Variants in LINC00632 observed in about 807,000 individuals in gnomAD.
LINC00632 encodes ALDOA related specific transcript.
At chrX:140,791,114 T>C (rs147498606) in exon 5 of LINC00632, among the ~76,000 whole-genome samples, 12,738 of 111,177 alleles carry the variant, frequency 0.11, 708 homozygotes, top group Non-Finnish European at 0.17. Context: ...TGTTTAACTA[T>C]TATAATTGCC....
chrX:140,756,223 A>G (rs1931491310), intron 3 of LINC00632, among the ~76,000 whole-genome samples: 1 of 112,068 alleles, frequency 8.9e-6, no homozygotes, highest in Non-Finnish European at 1.9e-5. Context: ...GTTTTTTAGG[A>G]CAGATTTTCT....
chrX:140,785,631 G>T (rs1207119897), exon 5 of LINC00632, among the ~76,000 whole-genome samples: 2 of 112,094 alleles, frequency 1.8e-5, no homozygotes, highest in Non-Finnish European at 3.8e-5. Flanking sequence ...TCCCCAACCA[G>T]CTACTACCAT....
At chrX:140,778,618 G>GAAAA (rs57214136) in exon 5 of LINC00632, among the ~76,000 whole-genome samples, 2 of 40,291 alleles carry the variant, frequency 5.0e-5, no homozygotes, top group Non-Finnish European at 5.6e-5. Flanking sequence ...AACAAACAAA[G>GAAAA]AAAAAAAAAA....
At position 140,729,821 on chromosome X, in the gene LINC00632, C is replaced by T. The variant is rs764246854; in HGVS notation, n.105-4057C>T. Among the ~76,000 whole-genome samples, 11 of 109,081 alleles carry T rather than the reference C, an allele frequency of 1.0e-4. No individual in the cohort carries two copies. In the East Asian group the frequency reaches 1.4e-3, roughly 14 times the overall value. 94.7% of individuals were successfully genotyped at this position (109,081 alleles called of 115,157 possible). ...AAAAGAAAAAATATATAGAAATATA[C>T]GACAATCCACAGCTTTCCCATGTGC... On this transcript the variant is annotated intron_variant and non_coding_transcript_variant, in intron 2 of 4. Transcript: ENST00000648200.
intron 2 of LINC00632, among the ~76,000 whole-genome samples, chrX:140,725,238 TACAC>T (rs758165983): frequency 1.5e-4 from 3 of 20,511 alleles, no homozygotes; most frequent in Admixed American, 6.1e-4. Flanking sequence ...ACACATTCCA[TACAC>T]ACACACACAT....
At chrX:140,788,293 ATTAT>A (rs1405882204) in exon 5 of LINC00632, among the ~76,000 whole-genome samples, 3 of 110,426 alleles carry the variant, frequency 2.7e-5, no homozygotes, top group East Asian at 2.8e-4. Flanking sequence ...AAATCCCATT[ATTAT>A]TTAATAATTT....
exon 5 of LINC00632, chrX:140,782,691 A>G (rs1007150162): frequency 9.0e-5 from 10 of 111,219 alleles, no homozygotes; most frequent in Admixed American, 5.8e-4. Context: ...TTTACAGTGT[A>G]TTTTTATCGC....
chrX:140,751,813 C>T (rs1197214870), intron 3 of LINC00632, among the ~76,000 whole-genome samples: 2 of 111,467 alleles, frequency 1.8e-5, no homozygotes, highest in African/African-American at 3.3e-5. Flanking sequence ...TATTCAGTTC[C>T]CTGCAGCAAC....
At chrX:140,724,432 TACAC>T (rs1169835647) in intron 2 of LINC00632, among the ~76,000 whole-genome samples, 2 of 29,052 alleles carry the variant, frequency 6.9e-5, no homozygotes, top group Non-Finnish European at 1.5e-4. Flanking sequence ...TCCACACACA[TACAC>T]ACACAGACAT....
chrX:140,726,194 C>T (rs1388660649), intron 2 of LINC00632, among the ~76,000 whole-genome samples: 2 of 111,189 alleles, frequency 1.8e-5, no homozygotes, highest in African/African-American at 6.5e-5. Context: ...GGCACCCACA[C>T]GTACCTTATA....
chrX:140,734,059 T>G, intron 3 of LINC00632: 1 of 112,623 alleles, frequency 8.9e-6, no homozygotes, highest in East Asian at 2.8e-4. Flanking sequence ...CACGTATACA[T>G]CAAGTTATAG....
chrX:140,730,294 A>C (rs184450061), intron 2 of LINC00632, among the ~76,000 whole-genome samples: 14 of 111,214 alleles, frequency 1.3e-4, no homozygotes, highest in Admixed American at 2.9e-4. Context: ...TATACTTTGA[A>C]TAACCCACAT....
chrX:140,745,330 G>A (rs1320863696), intron 3 of LINC00632, among the ~76,000 whole-genome samples: 1 of 109,895 alleles, frequency 9.1e-6, no homozygotes, highest in Non-Finnish European at 1.9e-5. Flanking sequence ...CACCTCCTGC[G>A]GATATATGAC....
At chrX:140,723,733 A>G (rs1171797457) in intron 2 of LINC00632, among the ~76,000 whole-genome samples, 12 of 211 alleles carry the variant, frequency 0.057, no homozygotes, top group Non-Finnish European at 0.11. Flanking sequence ...CACATTCCAA[A>G]CACACACACA....
chrX:140,753,129 A>G (rs1160419985), intron 3 of LINC00632, among the ~76,000 whole-genome samples: 1 of 112,005 alleles, frequency 8.9e-6, no homozygotes, highest in African/African-American at 3.2e-5. Context: ...TACTTTTTCG[A>G]AAATTAAGAA....
chrX:140,739,484 G>C (rs752412574), intron 3 of LINC00632, among the ~76,000 whole-genome samples: 1 of 110,975 alleles, frequency 9.0e-6, no homozygotes, highest in Admixed American at 9.7e-5. Flanking sequence ...GCCTCCCAAA[G>C]TGCTGGGATC....
intron 2 of LINC00632, among the ~76,000 whole-genome samples, chrX:140,719,957 G>A (rs77454074): frequency 0.013 from 1,372 of 108,939 alleles, 23 homozygotes; most frequent in African/African-American, 0.044. Context: ...GCATGGTGGC[G>A]GGCACCTGTA....
At chrX:140,771,678 TATATA>T (rs1931799044) in intron 3 of LINC00632, among the ~76,000 whole-genome samples, 18 of 19,649 alleles carry the variant, frequency 9.2e-4, no homozygotes, top group East Asian at 2.1e-3. Context: ...TATATATATA[TATATA>T]TATTTTTTTT....
chrX:140,783,472 G>T, exon 5 of LINC00632: 2 of 772,485 alleles, frequency 2.6e-6, no homozygotes, highest in East Asian at 3.3e-5. Flanking sequence ...TAATTTCAAG[G>T]TCTTCCATCA....
Sources: allele counts gnomAD v4.1 joint callset (sites outside exome capture counted in the v4.1 genomes callset), GRCh38; gene constraint gnomAD v4.1.1; transcripts MANE v1.5; gene names NCBI Gene and HGNC (gene_info 2026-07-23, HGNC 2026-07-21).